PTPRB: variants seen among roughly 807,000 people sequenced by gnomAD.
PTPRB encodes receptor-type tyrosine-protein phosphatase beta.
Under a neutral mutation model 238.1 loss-of-function variants are expected in PTPRB, and 97 were observed. That is an observed-to-expected ratio of 0.41 (90% confidence interval 0.35 to 0.48). PTPRB has a LOEUF of 0.48. PTPRB is among the 20% of genes least tolerant of loss of function. PTPRB has a pLI of 0.30. For synonymous variants in PTPRB, 970 were observed against 995.4 expected (o/e 0.97, Z 0.48); for missense variants, 2,292 against 2,681.9 (o/e 0.85, Z 3.21).
Position 70,592,509 on chromosome 12 carries a change from T to A in PTPRB, c.1553A>T (p.Asp518Val). The change falls in exon 7 of 34, where the codon GAT (aspartate) becomes GTT (valine). Residue 518 changes from aspartate (D) to valine (V), a missense_variant. By Grantham distance (152) the Asp-to-Val change is radical. Coordinates refer to ENST00000334414, the MANE Select transcript of PTPRB (RefSeq NM_001109754.4). ...GACTTTTAGAGAGGTCAAACTGCCA[T>A]CATTTGTCACCTTCAGATTTGAGAC... The part of the protein sequence containing the change: ...MEVSNLKVTN[D>V]GSLTSLKVKW... 1 of 1,613,850 alleles carries A rather than the reference T, an allele frequency of 6.2e-7. No homozygotes were observed. Among genetic ancestry groups the A allele is most frequent in the Non-Finnish European group, 8.5e-7 (1 of 1,179,842 alleles).
chr12:70,539,368 A>T, intron 26 of PTPRB: 1 of 548,706 alleles, frequency 1.8e-6, no homozygotes, highest in Non-Finnish European at 3.2e-6. Context: ...TGCATTTGAG[A>T]TTTGTTAATT....
chr12:70,581,929 T>A (rs1313871780), intron 9 of PTPRB, among the ~76,000 whole-genome samples: 1 of 152,130 alleles, frequency 6.6e-6, no homozygotes, highest in Non-Finnish European at 1.5e-5. Flanking sequence ...CATTCAGAAC[T>A]CTATAAAGTT....
At chr12:70,571,356 A>G (rs1592505403) in intron 12 of PTPRB, 67 bp from the exon 13 acceptor site, 1 of 1,415,876 alleles carries the variant, frequency 7.1e-7, no homozygotes, top group East Asian at 2.3e-5. Context: ...ATAATAATTT[A>G]TGAATCACAT....
chr12:70,606,181 GACA>G (rs1883928963), intron 4 of PTPRB, among the ~76,000 whole-genome samples: 1 of 152,172 alleles, frequency 6.6e-6, no homozygotes, highest in African/African-American at 2.4e-5. Context: ...CTCTGCACGA[GACA>G]ACAAGGTCAG....
chr12:70,612,909 C>T (rs577916908), intron 3 of PTPRB, among the ~76,000 whole-genome samples: 1 of 152,170 alleles, frequency 6.6e-6, no homozygotes, highest in Admixed American at 6.5e-5. Flanking sequence ...ATTGCTTAAC[C>T]CCAGGACGCA....
At chr12:70,620,030 G>T (rs1238159700) in intron 3 of PTPRB, among the ~76,000 whole-genome samples, 1 of 152,160 alleles carries the variant, frequency 6.6e-6, no homozygotes, top group Non-Finnish European at 1.5e-5. Flanking sequence ...AGAGTCATGA[G>T]AGCTGCAATT....
chr12:70,594,468 T>C lies in PTPRB; in HGVS notation c.1515A>G (p.Thr505=), dbSNP rs1162308260. The part of the protein sequence containing the change: ...LQNYRWKLVR[T]APMEVSNLKV... ...TTCAGCTAGCTAGGGGGAACTTACC[T>C]GTCCTGACTAGTTTCCACCTGTAGT... is the stretch of plus-strand genomic sequence containing the variant. Residue 505 remains threonine (T), a splice_region_variant and synonymous_variant, in exon 6 of 34, where the codon ACA becomes ACG. Transcript: ENST00000334414. 3.0e-5 allele frequency: 49 copies of C among 1,613,698 alleles called. No homozygotes were observed. In the Admixed American group the frequency reaches 8.0e-4, roughly 26 times the overall value.
At chr12:70,525,171 CA>C (rs561339180) in intron 32 of PTPRB, among the ~76,000 whole-genome samples, 21 of 152,182 alleles carry the variant, frequency 1.4e-4, no homozygotes, top group African/African-American at 4.8e-4. Context: ...AAGTGAGACT[CA>C]AAAGTAACTT....
chr12:70,539,742 C>T, intron 25 of PTPRB, 36 bp from the exon 26 acceptor site: 1 of 1,596,034 alleles, frequency 6.3e-7, no homozygotes, highest in Non-Finnish European at 8.6e-7. Flanking sequence ...AAAAGAGTTA[C>T]TGCAGAAAAG....
intron 10 of PTPRB, 31 bp from the exon 11 acceptor site, chr12:70,576,676 G>GGA (rs1880788693): frequency 4.2e-6 from 1 of 236,406 alleles, no homozygotes; most frequent in Non-Finnish European, 7.9e-6. Flanking sequence ...GGGCGGGGGG[G>GGA]GGGGGGAAGG....
At chr12:70,578,952 C>T (rs2136412837) in intron 10 of PTPRB, among the ~76,000 whole-genome samples, 1 of 152,290 alleles carries the variant, frequency 6.6e-6, no homozygotes, top group South Asian at 2.1e-4. Context: ...AGTTGTACCC[C>T]TCCCCAACCT....
chr12:70,535,885 G>A lies in PTPRB; in HGVS notation c.6081+140C>T. 4 of 1,012,410 alleles carry A rather than the reference G, an allele frequency of 4.0e-6. No homozygotes were observed. In the East Asian group the frequency reaches 1.0e-4, roughly 26 times the overall value. The allele number at this position is 1,012,410 out of a possible 1,614,324, so 62.7% of individuals were successfully genotyped here. A position where few individuals can be genotyped will look rare whatever the true frequency, so the allele number is the denominator to read the frequency against. ...CTTGGGTTTACTATTAGAGTCTTTT[G>A]AACAGAGTGGTATAAGTCACTAACA... On this transcript the variant is annotated intron_variant, in intron 29 of 33. Coordinates refer to ENST00000334414, the MANE Select transcript of PTPRB (RefSeq NM_001109754.4).
intron 2 of PTPRB, among the ~76,000 whole-genome samples, chr12:70,632,291 A>G (rs1056168969): frequency 4.6e-5 from 7 of 152,226 alleles, no homozygotes; most frequent in African/African-American, 1.7e-4. Flanking sequence ...GACATGGATG[A>G]AGCTGGAAAC....
At chr12:70,549,240 G>A (rs1679933229) in intron 21 of PTPRB, among the ~76,000 whole-genome samples, 1 of 152,178 alleles carries the variant, frequency 6.6e-6, no homozygotes, top group African/African-American at 2.4e-5. Flanking sequence ...CACTTTAAAT[G>A]TGTCCAGAAT....
At chr12:70,547,537 T>C (rs1372699655) in intron 21 of PTPRB, among the ~76,000 whole-genome samples, 2 of 150,188 alleles carry the variant, frequency 1.3e-5, no homozygotes, top group Non-Finnish European at 3.0e-5. Context: ...TTTTTTTTTT[T>C]TTTTTGAGAC....
chr12:70,626,224 G>A (rs1288121690), intron 2 of PTPRB, among the ~76,000 whole-genome samples: 1 of 146,948 alleles, frequency 6.8e-6, no homozygotes, highest in African/African-American at 2.5e-5. Flanking sequence ...TTTTAACAGA[G>A]AGCAAATCAT....
At chr12:70,570,982 C>A in intron 13 of PTPRB, 44 bp downstream of exon 13, 1 of 1,596,436 alleles carries the variant, frequency 6.3e-7, no homozygotes, top group Non-Finnish European at 8.6e-7. Flanking sequence ...AAGTTAAATG[C>A]ACCACTGCAT....
intron 4 of PTPRB, among the ~76,000 whole-genome samples, chr12:70,601,977 A>G (rs894381909): frequency 6.6e-6 from 1 of 150,930 alleles, no homozygotes; most frequent in African/African-American, 2.4e-5. Context: ...TTGTATTTTT[A>G]GTAGAGACGG....
intron 32 of PTPRB, among the ~76,000 whole-genome samples, chr12:70,527,214 A>G (rs1323000316): frequency 5.9e-5 from 9 of 152,222 alleles, no homozygotes; most frequent in Admixed American, 2.6e-4. Flanking sequence ...ACAAATACCT[A>G]TAAGATGCTA....
Sources: gnomAD v4.1 joint callset for allele counts (sites outside exome capture counted in the v4.1 genomes callset) on GRCh38, gnomAD v4.1.1 for gene constraint, MANE v1.5 for transcripts, NCBI Gene and HGNC (gene_info 2026-07-23, HGNC 2026-07-21) for gene names.